The following PRRC2B variants were observed in gnomAD, a reference collection of about 807,000 sequenced individuals.
PRRC2B encodes protein PRRC2B.
Under a neutral mutation model 242.3 loss-of-function variants are expected in PRRC2B, and 68 were observed. That is an observed-to-expected ratio of 0.28 (90% confidence interval 0.23 to 0.34). PRRC2B has a LOEUF of 0.34. Ranked by LOEUF, PRRC2B falls within the 10% of genes least tolerant of loss-of-function variation. The probability of loss-of-function intolerance (pLI) is 1.00; values close to 1 mark genes in which losing one functional copy is unlikely to be tolerated. For missense variants in PRRC2B, 2,835 were observed against 2,954.8 expected (o/e 0.96, Z 0.94); for synonymous variants, 1,228 against 1,173.6 (o/e 1.05, Z -0.95).
At position 131,459,328 on chromosome 9, in the gene PRRC2B, A is replaced by G; in HGVS notation, c.1376A>G (p.His459Arg). The G allele has an allele frequency of 1.2e-6, 2 of 1,613,708 alleles. No individual in the cohort carries two copies. Among genetic ancestry groups the G allele is most frequent in the South Asian group, 2.2e-5 (2 of 91,058 alleles). ...PDPQPPPRKL[H>R]GWAPGPDYQK... ...CCTCAGCCACCGCCCAGGAAGCTTC[A>G]TGGCTGGGCACCAGGCCCTGACTAC... is the stretch of plus-strand genomic sequence containing the variant. The change falls in exon 11 of 32, where the codon CAT becomes CGT. Residue 459 changes from histidine (H) to arginine (R), a missense_variant. Physicochemically the swap from His to Arg is conservative, Grantham distance 29. Coordinates refer to ENST00000683519, the MANE Select transcript of PRRC2B (RefSeq NM_013318.4).
chr9:131,476,625 TGTC>T lies in PRRC2B; in HGVS notation c.4406+92_4406+94del, dbSNP rs911313004. The T allele has an allele frequency of 1.2e-5, 15 of 1,248,144 alleles. No individual in the cohort carries two copies. In the Admixed American group the frequency reaches 3.2e-4, roughly 27 times the overall value. 77.3% of individuals were successfully genotyped at this position (1,248,144 alleles called of 1,614,324 possible). ...ACGCATGCATGCCGATGCCGCCGTG[TGTC>T]GGGGCTGGGGGCCTGCCCCCAGGCC... is the stretch of plus-strand genomic sequence containing the variant. On this transcript the variant is annotated intron_variant, in intron 16 of 31. Transcript: ENST00000683519.
At chr9:131,405,293 G>A (rs1242608015) in intron 1 of PRRC2B, among the ~76,000 whole-genome samples, 1 of 152,174 alleles carries the variant, frequency 6.6e-6, no homozygotes, top group Non-Finnish European at 1.5e-5. Flanking sequence ...CCAGGTCTAA[G>A]GTTGATTTTC....
intron 9 of PRRC2B, among the ~76,000 whole-genome samples, chr9:131,448,570 A>AAAAAAAAAAAAAAAAG (rs1838902755): frequency 2.1e-5 from 3 of 140,432 alleles, no homozygotes; most frequent in African/African-American, 7.9e-5. Flanking sequence ...AAAAAAAAAA[A>AAAAAAAAAAAAAAAAG]GGAAAGAGAA....
intron 19 of PRRC2B, among the ~76,000 whole-genome samples, chr9:131,480,992 C>T (rs1435131955): frequency 6.6e-6 from 1 of 151,680 alleles, no homozygotes; most frequent in East Asian, 1.9e-4. Context: ...GAGTGAGACC[C>T]TGTCTCTATT....
intron 11 of PRRC2B, among the ~76,000 whole-genome samples, chr9:131,460,754 C>T (rs889628040): frequency 6.6e-6 from 1 of 152,144 alleles, no homozygotes; most frequent in Non-Finnish European, 1.5e-5. Flanking sequence ...CCCTGTTCTC[C>T]ATCCTTTTTG....
chr9:131,468,384 G>A (rs142068407), intron 13 of PRRC2B, among the ~76,000 whole-genome samples: 289 of 152,306 alleles, frequency 1.9e-3, no homozygotes, highest in Non-Finnish European at 3.5e-3. Context: ...GCATGGCAGA[G>A]TGTTTCATGC....
chr9:131,447,941 C>A, intron 9 of PRRC2B, 137 bp downstream of exon 9: 1 of 797,062 alleles, frequency 1.3e-6, no homozygotes, highest in Non-Finnish European at 1.8e-6. Flanking sequence ...GGGAAGCAGA[C>A]CTGATGCCCT....
Position 131,414,893 on chromosome 9 carries a change from G to A in PRRC2B, c.-51-15201G>A, listed in dbSNP as rs112702715. The stretch of plus-strand genomic sequence containing the variant: ...CTGCTATCTCGGGCTTCTGTTGGTC[G>A]TCATTCTGGGACTTGTTTTTGTCCC... On this transcript the variant is annotated intron_variant, in intron 1 of 31. Coordinates refer to ENST00000683519, the MANE Select transcript of PRRC2B (RefSeq NM_013318.4). Among the ~76,000 whole-genome samples, 635 of 151,878 alleles carry A rather than the reference G, an allele frequency of 4.2e-3. 6 individuals are homozygous for A. Among genetic ancestry groups the A allele is most frequent in the African/African-American group, 0.015 (603 of 41,396 alleles).
At chr9:131,440,563 A>G (rs927224788) in intron 5 of PRRC2B, among the ~76,000 whole-genome samples, 5 of 152,228 alleles carry the variant, frequency 3.3e-5, no homozygotes, top group African/African-American at 9.6e-5. Flanking sequence ...TAGCAAGTGC[A>G]CCCTGAGGAA....
At position 131,442,130 on chromosome 9, in the gene PRRC2B, G is replaced by T. The variant is rs530691579; in HGVS notation, c.470-2055G>T. ...TAATTTCAAATCTACCTTTTTTTTT[G>T]TTTGTTTGTTTGTTTTTTTTTAGGC... On this transcript the variant is annotated intron_variant, in intron 5 of 31. Transcript: ENST00000683519. 3.7e-3 allele frequency among the ~76,000 whole-genome samples: 555 copies of T among 151,194 alleles called. 2 individuals carry two copies. Among genetic ancestry groups the T allele is most frequent in the African/African-American group, 0.011 (444 of 41,182 alleles).
At chr9:131,379,999 T>A (rs2991207) in intron 1 of PRRC2B, among the ~76,000 whole-genome samples, 32,507 of 136,224 alleles carry the variant, frequency 0.24, 3,691 homozygotes, top group African/African-American at 0.29. Flanking sequence ...TATAATAATT[T>A]TTTTTTTTTT....
At chr9:131,425,238 G>C (rs1351684522) in intron 1 of PRRC2B, among the ~76,000 whole-genome samples, 1 of 151,908 alleles carries the variant, frequency 6.6e-6, no homozygotes, top group African/African-American at 2.4e-5. Context: ...CTCTCGCCTC[G>C]GCCTCCCAAA....
chr9:131,413,258 C>T (rs2966359), intron 1 of PRRC2B, among the ~76,000 whole-genome samples: 148,931 of 152,248 alleles, frequency 0.98, 72,936 homozygotes, highest in East Asian at 1. Flanking sequence ...CCTCTGCCTT[C>T]GCCTCTTTTA....
intron 5 of PRRC2B, among the ~76,000 whole-genome samples, chr9:131,442,516 G>T (rs116264529): frequency 6.6e-6 from 1 of 152,124 alleles, no homozygotes; most frequent in Non-Finnish European, 1.5e-5. Flanking sequence ...CAGTCTTACC[G>T]TCAGGTTTAT....
At chr9:131,380,540 T>C (rs1466003469) in intron 1 of PRRC2B, among the ~76,000 whole-genome samples, 7 of 144,226 alleles carry the variant, frequency 4.9e-5, no homozygotes, top group Non-Finnish European at 7.6e-5. Flanking sequence ...GATTGCGCCA[T>C]TGCACTCCAG....
At chr9:131,399,105 G>A (rs373041021) in intron 1 of PRRC2B, among the ~76,000 whole-genome samples, 12 of 151,512 alleles carry the variant, frequency 7.9e-5, no homozygotes, top group African/African-American at 2.2e-4. Flanking sequence ...GTGAAACCCC[G>A]TCTCTGCTAA....
At position 131,494,019 on chromosome 9, in the gene PRRC2B, C is replaced by T. The variant is rs2131489857; in HGVS notation, c.6474-386C>T. Among the ~76,000 whole-genome samples the T allele has an allele frequency of 6.6e-6, 1 of 152,360 alleles. No homozygotes were observed. Among genetic ancestry groups the T allele is most frequent in the Middle Eastern group, 3.4e-3 (1 of 294 alleles). On this transcript the variant is annotated intron_variant, in intron 30 of 31. Coordinates refer to ENST00000683519, the MANE Select transcript of PRRC2B (RefSeq NM_013318.4). The surrounding 1 kb of genome is among the most constrained non-coding windows in gnomAD (Gnocchi z 4.3). ...AGAACAATACTCGGCACAGTTCTGG[C>T]TCAGCGTCAGGCTTCTAGGCCTTTT...
intron 1 of PRRC2B, among the ~76,000 whole-genome samples, chr9:131,420,438 T>C (rs888812222): frequency 1.2e-4 from 16 of 138,698 alleles, no homozygotes; most frequent in African/African-American, 3.8e-4. Flanking sequence ...TTTTCTTTTT[T>C]CTTTTTCTTT....
chr9:131,450,109 TC>T (rs1417911958), intron 9 of PRRC2B, among the ~76,000 whole-genome samples: 1 of 152,184 alleles, frequency 6.6e-6, no homozygotes, highest in East Asian at 1.9e-4. Context: ...TTATAGTAAA[TC>T]TTAAATTTCA....
Sources: allele counts gnomAD v4.1 joint callset (sites outside exome capture counted in the v4.1 genomes callset), GRCh38; gene constraint gnomAD v4.1.1; non-coding constraint Gnocchi (gnomAD v3.1); transcripts MANE v1.5; gene names NCBI Gene and HGNC (gene_info 2026-07-23, HGNC 2026-07-21).